ZFHX4: variants seen among roughly 807,000 people sequenced by gnomAD.
The protein encoded by ZFHX4 is zinc finger homeobox protein 4.
Under a neutral mutation model 267.6 loss-of-function variants are expected in ZFHX4, and 56 were observed. That is an observed-to-expected ratio of 0.21 (90% CI 0.17 to 0.26). The LOEUF is 0.26. ZFHX4 is among the 10% of genes least tolerant of loss of function. The pLI is 1.00. For synonymous variants in ZFHX4, 1,778 were observed against 1,665.6 expected (o/e 1.07, Z -1.64); for missense variants, 4,332 against 4,420.0 (o/e 0.98, Z 0.56).
In ZFHX4 at chr8:76,737,527, G is replaced by T. The variant is rs551883649; in HGVS notation, c.3093+29479G>T. On this transcript the variant is annotated intron_variant, in intron 3 of 10. Coordinates refer to ENST00000651372, the MANE Select transcript of ZFHX4 (RefSeq NM_024721.5). ...AAGGGCTTTGGAGTCAGAGAAACTT[G>T]CATCTAAGTCTCAGCCTGGTCACAT... 5.9e-5 allele frequency among the ~76,000 whole-genome samples: 9 copies of T among 152,242 alleles called. No individual in the cohort carries two copies. The South Asian group carries it at 1.9e-3, about 32-fold the overall frequency.
rs1328615084 is a variant in ZFHX4, at chr8:76,866,095, T to C, written c.*1530T>C. The stretch of plus-strand genomic sequence containing the variant: ...TTACGAATCACTTTTGTGTTTGATA[T>C]AGTAAAACAATGTGATTCATTCCAA... On this transcript the variant is annotated 3_prime_UTR_variant, in exon 11 of 11. Coordinates refer to ENST00000651372, the MANE Select transcript of ZFHX4 (RefSeq NM_024721.5). The C allele has an allele frequency of 1.3e-5, 2 of 152,638 alleles. No homozygotes were observed. Among genetic ancestry groups the C allele is most frequent in the Non-Finnish European group, 2.9e-5 (2 of 68,034 alleles). The allele number at this position is 152,638 out of a possible 1,614,324, so 9.5% of individuals were successfully genotyped here. A position where few individuals can be genotyped will look rare whatever the true frequency, so the allele number is the denominator to read the frequency against.
At chr8:76,765,242 T>G (rs546144922) in intron 3 of ZFHX4, among the ~76,000 whole-genome samples, 1 of 152,302 alleles carries the variant, frequency 6.6e-6, no homozygotes, top group East Asian at 1.9e-4. Context: ...GAGACACTAC[T>G]TAAATGCAAT....
intron 1 of ZFHX4, among the ~76,000 whole-genome samples, chr8:76,696,136 T>C (rs1807950236): frequency 6.6e-6 from 1 of 152,198 alleles, no homozygotes; most frequent in African/African-American, 2.4e-5. Flanking sequence ...ACTTAAAGTA[T>C]AAGATAATTG....
At chr8:76,795,903 G>T (rs1262219677) in intron 4 of ZFHX4, among the ~76,000 whole-genome samples, 1 of 152,052 alleles carries the variant, frequency 6.6e-6, no homozygotes, top group Non-Finnish European at 1.5e-5. Context: ...TATACAGTAA[G>T]GGCTATTCTA....
chr8:76,699,755 A>T (rs1563466810), intron 1 of ZFHX4, among the ~76,000 whole-genome samples: 1 of 149,832 alleles, frequency 6.7e-6, no homozygotes, highest in Admixed American at 6.6e-5. Context: ...AAAAAAAAAA[A>T]AAAAAGTCCA....
chr8:76,822,785 C>G (rs868554836), intron 4 of ZFHX4, among the ~76,000 whole-genome samples: 4 of 152,148 alleles, frequency 2.6e-5, no homozygotes, highest in African/African-American at 9.6e-5. Flanking sequence ...TTCAGTGTCA[C>G]TTAATTTCTT....
At chr8:76,825,699 A>C (rs1304802083) in intron 4 of ZFHX4, among the ~76,000 whole-genome samples, 1 of 152,244 alleles carries the variant, frequency 6.6e-6, no homozygotes, top group African/African-American at 2.4e-5. Context: ...AATGTCTCCA[A>C]AGAAATATGC....
chr8:76,861,958 C>A (rs1287910590), intron 10 of ZFHX4, among the ~76,000 whole-genome samples: 2 of 152,168 alleles, frequency 1.3e-5, no homozygotes, highest in African/African-American at 4.8e-5. Context: ...TTGTCATGAT[C>A]ATTTGGTAGT....
At position 76,707,805 on chromosome 8, in the gene ZFHX4, C is replaced by T. The variant is rs1376417481; in HGVS notation, c.2850C>T (p.Tyr950=). 6.2e-7 allele frequency: 1 copy of T among 1,614,092 alleles called. No individual in the cohort carries two copies. Among genetic ancestry groups the T allele is most frequent in the Non-Finnish European group, 8.5e-7 (1 of 1,180,016 alleles). Residue 950 remains tyrosine, a synonymous_variant, in exon 3 of 11, where the codon TAC becomes TAT. Transcript: ENST00000651372. ...TCTACCAGTGCAAGCTCTGCAACTA[C>T]AACACTCAGCTCAAAGCCAACTTCC... is the stretch of plus-strand genomic sequence containing the variant. ...GDIYQCKLCN[Y]NTQLKANFQL... is the part of the protein sequence containing the mutation.
chr8:76,831,609 T>C (rs2131887728), intron 4 of ZFHX4, among the ~76,000 whole-genome samples: 1 of 152,322 alleles, frequency 6.6e-6, no homozygotes, highest in South Asian at 2.1e-4. Flanking sequence ...TGAGAATCTG[T>C]GAAATGAAAA....
chr8:76,853,089 C>CCCACCTCCT lies in ZFHX4; in HGVS notation c.6175_6183dup (p.Pro2059_Pro2061dup). 2 of 1,430,026 alleles carry CCCACCTCCT rather than the reference C, an allele frequency of 1.4e-6. No individual in the cohort carries two copies. Among genetic ancestry groups the CCCACCTCCT allele is most frequent in the South Asian group, 2.5e-5 (2 of 80,164 alleles). 88.6% of individuals were successfully genotyped at this position (1,430,026 alleles called of 1,614,324 possible). ...CTCCTCCTCCTCCTCCTCCTCCCCC[C>CCCACCTCCT]CCACCTCCTCCACCTTCTGCTCCTC... On this transcript the variant is annotated inframe_insertion, in exon 10 of 11. Coordinates refer to ENST00000651372, the MANE Select transcript of ZFHX4 (RefSeq NM_024721.5).
chr8:76,685,350 C>T (rs1220443887), intron 1 of ZFHX4, among the ~76,000 whole-genome samples: 1 of 152,216 alleles, frequency 6.6e-6, no homozygotes, highest in East Asian at 1.9e-4. Flanking sequence ...AGTCTCAAGT[C>T]TATTAGAAGA....
chr8:76,757,300 G>A (rs930816430), intron 3 of ZFHX4, among the ~76,000 whole-genome samples: 8 of 152,112 alleles, frequency 5.3e-5, no homozygotes, highest in African/African-American at 9.7e-5. Flanking sequence ...TGGCAGTGGC[G>A]CCCGAGAACA....
rs184261484 is a variant in ZFHX4 at position 76,726,696 on chromosome 8, A to G, written c.3093+18648A>G. Among the ~76,000 whole-genome samples the G allele has an allele frequency of 3.0e-3, 458 of 152,298 alleles. 5 individuals carry two copies. Among genetic ancestry groups the G allele is most frequent in the African/African-American group, 0.011 (442 of 41,570 alleles). ...ATGGTTAAAATTATATGCACGTTGA[A>G]CTACAATGAGAGTATTAAAAGTATT... On this transcript the variant is annotated intron_variant, in intron 3 of 10. Coordinates refer to ENST00000651372, the MANE Select transcript of ZFHX4 (RefSeq NM_024721.5).
intron 4 of ZFHX4, among the ~76,000 whole-genome samples, chr8:76,792,982 C>T (rs1563525223): frequency 6.6e-6 from 1 of 152,094 alleles, no homozygotes; most frequent in Non-Finnish European, 1.5e-5. Flanking sequence ...TGCCGTGGGG[C>T]CTTAATTAGC....
At chr8:76,862,092 G>A (rs755480244) in intron 10 of ZFHX4, among the ~76,000 whole-genome samples, 1 of 152,132 alleles carries the variant, frequency 6.6e-6, no homozygotes, top group Admixed American at 6.5e-5. Context: ...GCTTTTACAA[G>A]TCCCTTTTCT....
rs1278330581 is a variant in ZFHX4, at chr8:76,853,725, G to A, written c.6804G>A (p.Arg2268=). The A allele has an allele frequency of 2.5e-6, 4 of 1,613,532 alleles. No homozygotes were observed. The highest frequency in any genetic ancestry group is 1.3e-5 in the African/African-American group (1 of 74,858). Residue 2268 remains arginine, a synonymous_variant, in exon 10 of 11, where the codon CGG becomes CGA. Transcript: ENST00000651372. The part of the protein sequence containing the change: ...QLSTVLNLPT[R]VIVVWFQNAR... ...CCACTGTTCTCAATCTGCCTACCCG[G>A]GTTATTGTTGTATGGTTCCAGAATG...
chr8:76,688,830 C>A (rs899108951), intron 1 of ZFHX4, among the ~76,000 whole-genome samples: 1 of 152,124 alleles, frequency 6.6e-6, no homozygotes, highest in African/African-American at 2.4e-5. Flanking sequence ...GTTAGAAGAT[C>A]TCATCAGATA....
At chr8:76,833,730 C>CA (rs1190941107) in intron 5 of ZFHX4, 1 of 274,812 alleles carries the variant, frequency 3.6e-6, no homozygotes, top group African/African-American at 2.3e-5. Context: ...TATATTGACA[C>CA]AACATTATCA....
Sources: allele counts gnomAD v4.1 joint callset (sites outside exome capture counted in the v4.1 genomes callset), GRCh38; gene constraint gnomAD v4.1.1; transcripts MANE v1.5; gene names NCBI Gene and HGNC (gene_info 2026-07-23, HGNC 2026-07-21).